Variants in FAT4 observed in about 807,000 individuals in gnomAD.
The protein encoded by FAT4 is protocadherin Fat 4.
Under a neutral mutation model 303.9 loss-of-function variants are expected in FAT4, and 84 were observed. That is an observed-to-expected ratio of 0.28 (90% CI 0.23 to 0.33). The LOEUF is 0.33. Among genes scored for constraint, FAT4 ranks in the 10% least tolerant of loss-of-function variants. The probability of loss-of-function intolerance (pLI) is 1.00; values close to 1 mark genes in which losing one functional copy is unlikely to be tolerated. For missense variants in FAT4, 6,005 were observed against 6,146.8 expected, an observed-to-expected ratio of 0.98 and a Z score of 0.77; for synonymous variants, 2,307 against 2,298.8, an observed-to-expected ratio of 1.00 and a Z score of -0.10.
At chr4:125,472,204 CATTTTAAATGAAAAA>C (rs1726889332) in intron 12 of FAT4, among the ~76,000 whole-genome samples, 3 of 151,694 alleles carry the variant, frequency 2.0e-5, no homozygotes. Context: ...GCCCTTAAAT[CATTTTAAATGAAAAA>C]ACTTGGTATG....
chr4:125,375,476 C>T (rs1733276650), intron 2 of FAT4, among the ~76,000 whole-genome samples: 1 of 152,142 alleles, frequency 6.6e-6, no homozygotes, highest in South Asian at 2.1e-4. Context: ...CATTCTTGCC[C>T]AGGCCTTGGC....
intron 2 of FAT4, among the ~76,000 whole-genome samples, chr4:125,330,925 G>A (rs1306410214): frequency 2.0e-5 from 3 of 152,050 alleles, no homozygotes; most frequent in East Asian, 1.9e-4. Flanking sequence ...CCCCTTGCCT[G>A]AACTTGTTCA....
intron 2 of FAT4, among the ~76,000 whole-genome samples, chr4:125,380,557 C>G (rs1733501178): frequency 6.6e-6 from 1 of 152,074 alleles, no homozygotes; most frequent in South Asian, 2.1e-4. Context: ...TTAACAGAGA[C>G]TATTAAGATT....
At chr4:125,351,917 A>G (rs767405024) in intron 2 of FAT4, among the ~76,000 whole-genome samples, 10 of 151,708 alleles carry the variant, frequency 6.6e-5, no homozygotes, top group Non-Finnish European at 1.2e-4. Context: ...TTTGAGGAAT[A>G]CCAAGTAGGC....
Position 125,452,096 on chromosome 4 carries a change from A to G in FAT4, c.11086A>G (p.Thr3696Ala), listed in dbSNP as rs1395059834. 6.2e-7 allele frequency: 1 copy of G among 1,614,190 alleles called. No individual in the cohort carries two copies. The change falls in exon 10 of 18, where the codon ACG becomes GCG. Residue 3696 changes from threonine to alanine, a missense_variant. Transcript: ENST00000394329. ...CAATGATGGAGTTCACAGCACAGTC[A>G]CGAGCAACATCCGAGTTTTCTTTGC... The part of the protein sequence containing the change: ...LSNDGVHSTV[T>A]SNIRVFFAGF...
intron 2 of FAT4, among the ~76,000 whole-genome samples, chr4:125,326,513 G>A (rs1234682956): frequency 1.3e-5 from 2 of 152,000 alleles, no homozygotes; most frequent in Non-Finnish European, 2.9e-5. Context: ...GCATTTTGTA[G>A]CTATGGAAAC....
chr4:125,385,938 A>G (rs1396191190), intron 2 of FAT4, among the ~76,000 whole-genome samples: 1 of 152,152 alleles, frequency 6.6e-6, no homozygotes, highest in Non-Finnish European at 1.5e-5. Context: ...TTATGCTGAA[A>G]CATCTTATTA....
chr4:125,432,236 T>C (rs534877992), intron 7 of FAT4, among the ~76,000 whole-genome samples: 1 of 152,136 alleles, frequency 6.6e-6, no homozygotes, highest in Non-Finnish European at 1.5e-5. Context: ...TTCTTGTCAG[T>C]GGTAAAGACT....
chr4:125,438,270 G>A (rs921100060), intron 8 of FAT4, among the ~76,000 whole-genome samples: 1 of 152,110 alleles, frequency 6.6e-6, no homozygotes, highest in Non-Finnish European at 1.5e-5. Context: ...TAAAGTAAAT[G>A]CTGTGATGAC....
intron 7 of FAT4, among the ~76,000 whole-genome samples, chr4:125,428,376 G>T (rs916210421): frequency 7.9e-5 from 12 of 152,228 alleles, no homozygotes; most frequent in African/African-American, 2.9e-4. Context: ...AGTCTTAAAG[G>T]CAATGCTAGT....
chr4:125,395,503 T>C (rs1303606397), intron 2 of FAT4, among the ~76,000 whole-genome samples: 1 of 151,910 alleles, frequency 6.6e-6, no homozygotes, highest in East Asian at 1.9e-4. Flanking sequence ...AGTGATGGGG[T>C]TTTGCCATGT....
chr4:125,350,777 C>T (rs1471170606), intron 2 of FAT4, among the ~76,000 whole-genome samples: 1 of 151,650 alleles, frequency 6.6e-6, no homozygotes, highest in African/African-American at 2.4e-5. Flanking sequence ...ACTCCCTCCT[C>T]ATTCTCTACA....
chr4:125,467,545 G>A (rs993917497), intron 11 of FAT4, among the ~76,000 whole-genome samples: 10 of 152,098 alleles, frequency 6.6e-5, no homozygotes, highest in African/African-American at 2.4e-4. Flanking sequence ...GTTTGAAAAA[G>A]AACCAGCACA....
chr4:125,355,295 G>A (rs1560775545), intron 2 of FAT4, among the ~76,000 whole-genome samples: 1 of 151,904 alleles, frequency 6.6e-6, no homozygotes, highest in Non-Finnish European at 1.5e-5. Context: ...GGATATGAGA[G>A]TTGGCTAGTT....
At position 125,450,495 on chromosome 4, in the gene FAT4, A is replaced by G; in HGVS notation, c.9485A>G (p.His3162Arg). The change falls in exon 10 of 18, where the codon CAC (histidine) becomes CGC (arginine). Residue 3162 changes from histidine to arginine, a missense_variant. Transcript: ENST00000394329. ...CTTGATTATGAGCTATGCCAGAAAC[A>G]CGAAATGACGATTAGTGCTATAGAT... ...KALDYELCQKHEMTISAIDGG... is the reference protein window; with the variant it reads ...KALDYELCQKREMTISAIDGG... 6.2e-7 allele frequency: 1 copy of G among 1,614,150 alleles called. No homozygotes were observed. The highest frequency in any genetic ancestry group is 8.5e-7 in the Non-Finnish European group (1 of 1,180,016).
In FAT4 at chr4:125,489,912, G is replaced by A; in HGVS notation, c.13096G>A (p.Gly4366Ser). 1 of 1,226,216 alleles carries A rather than the reference G, an allele frequency of 8.2e-7. No homozygotes were observed. Among genetic ancestry groups the A allele is most frequent in the Non-Finnish European group, 1.1e-6 (1 of 928,604 alleles). The allele number at this position is 1,226,216 out of a possible 1,614,324, so 76.0% of individuals were successfully genotyped here. A position where few individuals can be genotyped will look rare whatever the true frequency, so the allele number is the denominator to read the frequency against. Residue 4366 changes from glycine to serine, a missense_variant, in exon 18 of 18, where the codon GGC becomes AGC. Transcript: ENST00000394329. Reference sequence around the variant, plus strand: ...TCTTCTTCTCCCAGCAGGTTTTGATGGCTGCATTGCTTCTATGTGGTATGG... The same window carrying A: ...TCTTCTTCTCCCAGCAGGTTTTGATAGCTGCATTGCTTCTATGTGGTATGG... ...HRDAQTAGFD[G>S]CIASMWYGGE...
At chr4:125,398,242 C>T (rs1307943461) in intron 2 of FAT4, among the ~76,000 whole-genome samples, 2 of 151,944 alleles carry the variant, frequency 1.3e-5, no homozygotes, top group Admixed American at 6.6e-5. Flanking sequence ...AGTGCTGATA[C>T]GAGTGGAAAT....
At chr4:125,379,472 T>A (rs1236184294) in intron 2 of FAT4, among the ~76,000 whole-genome samples, 1 of 152,156 alleles carries the variant, frequency 6.6e-6, no homozygotes, top group Admixed American at 6.5e-5. Context: ...TTTATTTATT[T>A]TTTTTGAGAT....
Position 125,490,131 on chromosome 4 carries a change from AATGG to A in FAT4, c.13316_13319del (p.Asn4439MetfsTer54). On this transcript the variant is annotated frameshift_variant, in exon 18 of 18. Transcript: ENST00000394329. LOFTEE classifies it high-confidence loss of function. ...GGACTGTGCCTCCCACCCGTGCCAGAATGGTGGCAGCTGTGAGCCAGGCCTGCAC... is the reference window on the plus strand; with the variant it reads ...GGACTGTGCCTCCCACCCGTGCCAGATGGCAGCTGTGAGCCAGGCCTGCAC... 6.2e-7 allele frequency: 1 copy of A among 1,614,034 alleles called. No homozygotes were observed. Among genetic ancestry groups the A allele is most frequent in the Non-Finnish European group, 8.5e-7 (1 of 1,180,000 alleles).
Sources: gnomAD v4.1 joint callset for allele counts (sites outside exome capture counted in the v4.1 genomes callset) on GRCh38, gnomAD v4.1.1 for gene constraint, MANE v1.5 for transcripts, NCBI Gene and HGNC (gene_info 2026-07-23, HGNC 2026-07-21) for gene names.